Variants in TLN2 observed in about 807,000 individuals in gnomAD.
TLN2 encodes the protein talin-2.
In TLN2, 118 loss-of-function variants were observed where a neutral mutation model predicts 294.7. The observed-to-expected ratio is 0.40, with a 90% CI of 0.34 to 0.47. The LOEUF (loss-of-function observed/expected upper bound fraction) is 0.47, where lower values mean the gene tolerates loss of function less well. TLN2 is among the 20% of genes least tolerant of loss of function. The pLI is 0.84. For synonymous variants in TLN2, 1,431 were observed against 1,304.5 expected, an observed-to-expected ratio of 1.10 and a Z score of -2.09; for missense variants, 3,083 against 3,282.2, an observed-to-expected ratio of 0.94 and a Z score of 1.48.
chr15:62,823,328 A>G (rs750834441), intron 54 of TLN2, among the ~76,000 whole-genome samples: 19 of 152,216 alleles, frequency 1.2e-4, no homozygotes, highest in Admixed American at 2.0e-4. Flanking sequence ...CCTTGCCTTT[A>G]TAAAGGAATT....
intron 1 of TLN2, among the ~76,000 whole-genome samples, chr15:62,502,437 A>C (rs1194925): frequency 0.33 from 49,798 of 152,060 alleles, 10,302 homozygotes; most frequent in African/African-American, 0.59. Context: ...CTGGGAGGGG[A>C]GTCAGCCAGG....
intron 1 of TLN2, among the ~76,000 whole-genome samples, chr15:62,462,200 C>A (rs886658893): frequency 6.6e-6 from 1 of 152,198 alleles, no homozygotes; most frequent in Admixed American, 6.5e-5. Context: ...CGGCACTGCG[C>A]TGCAGCCTGG....
chr15:62,741,746 C>CGCGCGCGCGTGTGTGTGTGTGTGT (rs1555495615), intron 32 of TLN2, among the ~76,000 whole-genome samples: 1 of 1,086 alleles, frequency 9.2e-4, no homozygotes, highest in Admixed American at 0.015. Context: ...TTAAAATTTG[C>CGCGCGCGCGTGTGTGTGTGTGTGT]GCGTGTGTGT....
At position 62,781,303 on chromosome 15, in the gene TLN2, G is replaced by A. The variant is rs574847196; in HGVS notation, c.5616+62G>A. ...TGCCTTTTTATCCACTGCCGCCGCT[G>A]AGCCTGCAAATCCCAGATCTGTGTC... On this transcript the variant is annotated intron_variant, in intron 44 of 58. Coordinates refer to ENST00000636159, the MANE Select transcript of TLN2 (RefSeq NM_015059.3). The A allele has an allele frequency of 7.3e-5, 96 of 1,306,338 alleles. 3 individuals carry two copies. In the South Asian group the frequency reaches 9.3e-4, roughly 13 times the overall value. 80.9% of individuals were successfully genotyped at this position (1,306,338 alleles called of 1,614,324 possible).
intron 1 of TLN2, among the ~76,000 whole-genome samples, chr15:62,578,735 G>A (rs956522752): frequency 6.6e-6 from 1 of 152,192 alleles, no homozygotes; most frequent in African/African-American, 2.4e-5. Flanking sequence ...TTTATTGCAG[G>A]TGTGCTGTGC....
chr15:62,838,957 C>G lies in TLN2; in HGVS notation c.7476C>G (p.Thr2492=). The change falls in exon 58 of 59, where the codon ACC becomes ACG. Residue 2492 remains threonine (T), a synonymous_variant. Transcript: ENST00000636159. ...KADDDDVVVK[T]KFVGGIAQII... ...ATGACGACGATGTTGTAGTGAAAACCAAGTTTGTGGGGGGCATTGCTCAGG... is the reference window on the plus strand; with the variant it reads ...ATGACGACGATGTTGTAGTGAAAACGAAGTTTGTGGGGGGCATTGCTCAGG... 2 of 1,614,070 alleles carry G rather than the reference C, an allele frequency of 1.2e-6. No homozygotes were observed. The highest frequency in any genetic ancestry group is 4.5e-5 in the East Asian group (2 of 44,888).
chr15:62,527,715 A>T (rs764593389), intron 1 of TLN2, among the ~76,000 whole-genome samples: 2 of 152,202 alleles, frequency 1.3e-5, no homozygotes, highest in African/African-American at 4.8e-5. Flanking sequence ...TTAACTTTCA[A>T]TTCCAGGGCT....
chr15:62,627,159 A>T (rs917199670), intron 3 of TLN2, among the ~76,000 whole-genome samples: 1 of 152,180 alleles, frequency 6.6e-6, no homozygotes, highest in Non-Finnish European at 1.5e-5. Context: ...ACTGAAGGCT[A>T]ATGCAGTTCT....
chr15:62,491,548 T>C lies in TLN2; in HGVS notation c.-237-98139T>C, dbSNP rs144925106. Among the ~76,000 whole-genome samples, 20 of 152,298 alleles carry C rather than the reference T, an allele frequency of 1.3e-4. No individual in the cohort carries two copies. The East Asian group carries it at 3.9e-3, about 29-fold the overall frequency. On this transcript the variant is annotated intron_variant, in intron 1 of 58. Coordinates refer to ENST00000636159, the MANE Select transcript of TLN2 (RefSeq NM_015059.3). ...CAAAGTGGGCAATCAGATATGCTCT[T>C]ATCTCAGTGAGCACAGGGATGAGTT...
At chr15:62,752,268 G>T in intron 34 of TLN2, 37 bp from the exon 35 acceptor site, 1 of 1,611,860 alleles carries the variant, frequency 6.2e-7, no homozygotes, top group Non-Finnish European at 8.5e-7. Flanking sequence ...TTGAGGCAAT[G>T]CTGGATAGAG....
chr15:62,573,443 T>C lies in TLN2; in HGVS notation c.-237-16244T>C, dbSNP rs553294033. On this transcript the variant is annotated intron_variant, in intron 1 of 58. Coordinates refer to ENST00000636159, the MANE Select transcript of TLN2 (RefSeq NM_015059.3). ...TGGCTCGGCCCTCTTCCTGCATTCA[T>C]CCTTCTAGGGGCCCCAGTGAGCACA... Among the ~76,000 whole-genome samples, 7 of 152,252 alleles carry C rather than the reference T, an allele frequency of 4.6e-5. No homozygotes were observed. The South Asian group carries it at 8.3e-4, about 18-fold the overall frequency.
At chr15:62,586,581 G>T (rs143599334) in intron 1 of TLN2, among the ~76,000 whole-genome samples, 87 of 152,238 alleles carry the variant, frequency 5.7e-4, no homozygotes, top group African/African-American at 2.0e-3. Context: ...TAAAGTTAAC[G>T]TTATGGGCCC....
At chr15:62,752,124 T>C (rs1440433795) in intron 34 of TLN2, among the ~76,000 whole-genome samples, 181 bp from the exon 35 acceptor site, 4 of 152,228 alleles carry the variant, frequency 2.6e-5, no homozygotes, top group East Asian at 1.9e-4. Context: ...ATTGTACTTA[T>C]CTCTTTGTGG....
intron 28 of TLN2, among the ~76,000 whole-genome samples, chr15:62,734,974 G>A (rs2060927400): frequency 6.6e-6 from 1 of 152,206 alleles, no homozygotes; most frequent in African/African-American, 2.4e-5. Flanking sequence ...GCTCAGTCCT[G>A]TAGAAAACAG....
Position 62,776,844 on chromosome 15 carries a change from C to T in TLN2, c.5448C>T (p.Asn1816=), listed in dbSNP as rs374140330. 203 of 1,601,626 alleles carry T rather than the reference C, an allele frequency of 1.3e-4. No homozygotes were observed. In the Middle Eastern group the frequency reaches 2.0e-3, roughly 16 times the overall value. Residue 1816 remains asparagine, a synonymous_variant, in exon 43 of 59, where the codon AAC becomes AAT. Coordinates refer to ENST00000636159, the MANE Select transcript of TLN2 (RefSeq NM_015059.3). ...TGGATGACATCATGGTGACGCTGAA[C>T]GAAGCTGCCAGTGAAGTGGGGCTGG... The part of the protein sequence containing the change: ...EAVDDIMVTL[N]EAASEVGLVG...
At chr15:62,716,564 G>A in intron 23 of TLN2, 105 bp downstream of exon 23, 2 of 1,394,438 alleles carry the variant, frequency 1.4e-6, no homozygotes, top group Non-Finnish European at 1.9e-6. Flanking sequence ...AGAAAGCCAA[G>A]TCAAGGTTCA....
chr15:62,726,853 GT>G (rs2060468825), intron 27 of TLN2, among the ~76,000 whole-genome samples: 3 of 152,114 alleles, frequency 2.0e-5, no homozygotes, highest in Admixed American at 2.0e-4. Flanking sequence ...AATTTACTCA[GT>G]CTCATGCTAG....
intron 1 of TLN2, among the ~76,000 whole-genome samples, chr15:62,550,850 G>T (rs1279148808): frequency 6.6e-6 from 1 of 152,128 alleles, no homozygotes; most frequent in Non-Finnish European, 1.5e-5. Flanking sequence ...TTTTTTCCTG[G>T]ACCAGGGTCT....
At chr15:62,547,282 A>G (rs1017347341) in intron 1 of TLN2, among the ~76,000 whole-genome samples, 4 of 152,230 alleles carry the variant, frequency 2.6e-5, no homozygotes, top group Non-Finnish European at 5.9e-5. Context: ...TTGTGCAGAT[A>G]AGGGACATGT....
Sources: allele counts gnomAD v4.1 joint callset (sites outside exome capture counted in the v4.1 genomes callset), GRCh38; gene constraint gnomAD v4.1.1; transcripts MANE v1.5; gene names NCBI Gene and HGNC (gene_info 2026-07-23, HGNC 2026-07-21).